WDR41: variants seen among roughly 807,000 people sequenced by gnomAD.
WDR41 encodes the protein WD repeat domain 41, also known as WD repeat-containing protein 41.
In WDR41, 63 loss-of-function variants were observed where a neutral mutation model predicts 69.3. The ratio of observed to expected loss-of-function variants is 0.91; its 90% CI spans 0.74 to 1.12. The LOEUF is 1.12. Ranked by LOEUF, WDR41 falls within the 50% of genes most tolerant of loss-of-function variation. The pLI, the probability that WDR41 is intolerant of heterozygous loss-of-function variation, is 0.00. For synonymous variants in WDR41, 185 were observed against 192.1 expected (o/e 0.96, Z 0.31); for missense variants, 543 against 534.5 (o/e 1.02, Z -0.16).
chr5:77,473,896 A>G (rs917717895), intron 2 of WDR41, among the ~76,000 whole-genome samples: 8 of 152,178 alleles, frequency 5.3e-5, no homozygotes, highest in Non-Finnish European at 1.0e-4. Context: ...AGGGATCTAG[A>G]ACTAGAAATA....
upstream of WDR41, among the ~76,000 whole-genome samples, chr5:77,494,084 C>T (rs1373616050): frequency 6.6e-6 from 1 of 151,998 alleles, no homozygotes; most frequent in Non-Finnish European, 1.5e-5. Context: ...ATTGAAGTTA[C>T]GTTGGTATAA....
At chr5:77,618,396 G>A (rs535448469) in intron 1 of WDR41, among the ~76,000 whole-genome samples, 35 of 150,380 alleles carry the variant, frequency 2.3e-4, no homozygotes, top group African/African-American at 8.1e-4. Flanking sequence ...TTTTTGAGAT[G>A]GAGTCTCACT....
intron 1 of WDR41, among the ~76,000 whole-genome samples, chr5:77,568,338 G>T (rs1002170371): frequency 1.3e-5 from 2 of 152,132 alleles, no homozygotes; most frequent in Non-Finnish European, 2.9e-5. Flanking sequence ...GTTCCCCTTT[G>T]TGCCAGGATT....
intron 12 of WDR41, among the ~76,000 whole-genome samples, chr5:77,435,065 C>A (rs3797634): frequency 6.6e-6 from 1 of 151,886 alleles, no homozygotes; most frequent in African/African-American, 2.4e-5. Context: ...TCCGGCCTAG[C>A]CAAGGTGCTC....
chr5:77,464,121 G>T (rs1212425646), intron 3 of WDR41, among the ~76,000 whole-genome samples: 1 of 151,970 alleles, frequency 6.6e-6, no homozygotes, highest in Non-Finnish European at 1.5e-5. Flanking sequence ...AATGTTGAAA[G>T]AAAACTTGTG....
intron 1 of WDR41, among the ~76,000 whole-genome samples, chr5:77,544,420 A>G (rs1423733336): frequency 6.6e-6 from 1 of 152,120 alleles, no homozygotes; most frequent in Non-Finnish European, 1.5e-5. Context: ...TGGCTTCAAG[A>G]GACTCACCTA....
chr5:77,463,090 G>A lies in WDR41; in HGVS notation c.348+5C>T. 5 of 1,610,688 alleles carry A rather than the reference G, an allele frequency of 3.1e-6. No individual in the cohort carries two copies. The highest frequency in any genetic ancestry group is 4.2e-6 in the Non-Finnish European group (5 of 1,178,692). Reference sequence around the variant, plus strand: ...CTTGTTCATTTCTTCCAGATTAAAGGATACAATAACTGTTCTATCAGCAGA... The same window carrying A: ...CTTGTTCATTTCTTCCAGATTAAAGAATACAATAACTGTTCTATCAGCAGA... On this transcript the variant is annotated splice_donor_5th_base_variant and intron_variant, in intron 4 of 12. Coordinates refer to ENST00000296679, the MANE Select transcript of WDR41 (RefSeq NM_018268.4).
intron 1 of WDR41, 35 bp from the exon 2 acceptor site, chr5:77,489,607 A>G (rs369698375): frequency 2.9e-5 from 37 of 1,267,970 alleles, no homozygotes; most frequent in East Asian, 2.3e-4. Flanking sequence ...CAAAAAACAA[A>G]AGACAAAAAA....
intron 5 of WDR41, among the ~76,000 whole-genome samples, chr5:77,455,002 CA>C (rs1353065695): frequency 6.6e-6 from 1 of 152,110 alleles, no homozygotes; most frequent in Non-Finnish European, 1.5e-5. Context: ...CTTACATTTT[CA>C]TATCTCTTGG....
At chr5:77,512,790 T>C (rs1292025163) in intron 1 of WDR41, among the ~76,000 whole-genome samples, 8 of 151,452 alleles carry the variant, frequency 5.3e-5, no homozygotes, top group African/African-American at 1.9e-4. Flanking sequence ...ACCTCAACTT[T>C]CCTGGTAGGA....
intron 2 of WDR41, among the ~76,000 whole-genome samples, chr5:77,481,772 G>T (rs1418427627): frequency 8.4e-6 from 1 of 119,200 alleles, no homozygotes. Context: ...GCGACAGAGC[G>T]AGACTCCGTC....
chr5:77,464,274 CTTTTTTTT>C (rs71606297), intron 3 of WDR41, among the ~76,000 whole-genome samples: 1 of 94,204 alleles, frequency 1.1e-5, no homozygotes, highest in Non-Finnish European at 2.0e-5. Flanking sequence ...TAGGAAAAAA[CTTTTTTTT>C]TTTTTTTTTT....
intron 5 of WDR41, 60 bp from the exon 6 acceptor site, chr5:77,453,988 G>T: frequency 1.5e-6 from 2 of 1,332,832 alleles, no homozygotes; most frequent in Non-Finnish European, 2.2e-6. Flanking sequence ...TTGTTCAGTG[G>T]TTTAAAAATA....
At chr5:77,604,898 G>A (rs531177710) in intron 1 of WDR41, among the ~76,000 whole-genome samples, 3 of 151,108 alleles carry the variant, frequency 2.0e-5, no homozygotes, top group African/African-American at 7.4e-5. Context: ...GAAACAGAAT[G>A]TTACCATTTG....
At chr5:77,449,735 T>TA (rs1185320762) in intron 8 of WDR41, 25 bp downstream of exon 8, 1 of 1,524,758 alleles carries the variant, frequency 6.6e-7, no homozygotes, top group African/African-American at 1.4e-5. Flanking sequence ...AAACTGTACA[T>TA]AATAAATGTA....
intron 1 of WDR41, among the ~76,000 whole-genome samples, chr5:77,594,029 G>C (rs1053593121): frequency 6.6e-6 from 1 of 151,978 alleles, no homozygotes; most frequent in African/African-American, 2.4e-5. Flanking sequence ...ATAGATAGAT[G>C]ATAGATACAT....
In WDR41 at chr5:77,459,095, A is replaced by G; in HGVS notation, c.378T>C (p.Val126=). The change falls in exon 5 of 13, where the codon GTT becomes GTC. Residue 126 remains valine (V), a synonymous_variant. Coordinates refer to ENST00000296679, the MANE Select transcript of WDR41 (RefSeq NM_018268.4). ...IVWDGDTTRQ[V]QRISCFQSTV... ...TAGACTGGAAGCATGATATTCTCTG[A>G]ACTTGTCTGGTAGTATCACCATCCC... The G allele has an allele frequency of 6.2e-7, 1 of 1,602,842 alleles. No homozygotes were observed. The highest frequency in any genetic ancestry group is 8.5e-7 in the Non-Finnish European group (1 of 1,172,892).
intron 1 of WDR41, among the ~76,000 whole-genome samples, chr5:77,600,346 A>G (rs1373255514): frequency 6.6e-6 from 1 of 152,248 alleles, no homozygotes; most frequent in Non-Finnish European, 1.5e-5. Flanking sequence ...AGCTAAACTC[A>G]CAGACCACAT....
intron 2 of WDR41, among the ~76,000 whole-genome samples, chr5:77,473,377 G>A (rs1017697124): frequency 1.3e-5 from 2 of 152,152 alleles, no homozygotes; most frequent in Non-Finnish European, 2.9e-5. Context: ...TCAGGACATA[G>A]GCATGAGCAA....
Sources: gnomAD v4.1 joint callset for allele counts (sites outside exome capture counted in the v4.1 genomes callset) on GRCh38, gnomAD v4.1.1 for gene constraint, MANE v1.5 for transcripts, NCBI Gene and HGNC (gene_info 2026-07-23, HGNC 2026-07-21) for gene names.